The following BRD7 variants were observed in gnomAD, a reference collection of about 807,000 sequenced individuals.
BRD7 encodes the protein bromodomain-containing protein 7.
A neutral mutation model predicts 82.1 loss-of-function variants in BRD7; 15 were observed. That is an observed-to-expected ratio of 0.18 (90% CI 0.12 to 0.28). The LOEUF (loss-of-function observed/expected upper bound fraction) is 0.28. Among genes scored for constraint, BRD7 ranks in the 10% least tolerant of loss-of-function variants. The pLI, the probability that BRD7 is intolerant of heterozygous loss-of-function variation, is 1.00. For synonymous variants in BRD7, 232 were observed against 266.9 expected (o/e 0.87, Z 1.27); for missense variants, 638 against 779.9 (o/e 0.82, Z 2.17).
chr16:50,350,632 ATATAACTTC>A (rs2038479211), intron 4 of BRD7, among the ~76,000 whole-genome samples: 1 of 152,220 alleles, frequency 6.6e-6, no homozygotes, highest in Non-Finnish European at 1.5e-5. Context: ...CCATAAATGG[ATATAACTTC>A]TATCACGTGT....
intron 3 of BRD7, 69 bp from the exon 4 acceptor site, chr16:50,354,551 C>A (rs1446229139): frequency 1.5e-6 from 2 of 1,316,662 alleles, no homozygotes; most frequent in African/African-American, 3.0e-5. Flanking sequence ...TTTACTAGAT[C>A]ATTTTCTACA....
chr16:50,343,803 G>C (rs944683206), intron 5 of BRD7, among the ~76,000 whole-genome samples: 30 of 152,218 alleles, frequency 2.0e-4, no homozygotes. Context: ...AAGCCACCGG[G>C]AAGCTCGAAC....
intron 5 of BRD7, among the ~76,000 whole-genome samples, chr16:50,342,586 A>G (rs113128485): frequency 0.067 from 9,975 of 148,006 alleles, 430 homozygotes; most frequent in Non-Finnish European, 0.096. Context: ...ACACTCAGCC[A>G]ATTTTTTTGT....
At chr16:50,331,463 A>G (rs2037562811) in intron 8 of BRD7, among the ~76,000 whole-genome samples, 3 of 152,230 alleles carry the variant, frequency 2.0e-5, no homozygotes, top group South Asian at 2.1e-4. Context: ...GCACTTTGGG[A>G]GGCTGAGTTG....
chr16:50,339,946 CT>C (rs1254447329), intron 6 of BRD7, 29 bp downstream of exon 6: 1 of 1,342,618 alleles, frequency 7.4e-7, no homozygotes, highest in Non-Finnish European at 1.0e-6. Context: ...ATTTTAATAA[CT>C]ATTATTTATG....
chr16:50,365,387 A>G (rs2039103035), intron 2 of BRD7, among the ~76,000 whole-genome samples: 1 of 152,236 alleles, frequency 6.6e-6, no homozygotes, highest in Non-Finnish European at 1.5e-5. Context: ...TAGTCACTCT[A>G]CAATAAAGTC....
intron 2 of BRD7, among the ~76,000 whole-genome samples, chr16:50,365,008 C>T (rs758857786): frequency 2.6e-5 from 4 of 152,024 alleles, no homozygotes; most frequent in African/African-American, 4.8e-5. Flanking sequence ...ACTTGGGAGA[C>T]GGAAGGCAAA....
At chr16:50,345,566 G>T (rs1195721191) in intron 5 of BRD7, among the ~76,000 whole-genome samples, 1 of 152,100 alleles carries the variant, frequency 6.6e-6, no homozygotes, top group Non-Finnish European at 1.5e-5. Context: ...ATAAAGGGAT[G>T]GAGGAAGATC....
chr16:50,363,399 G>C (rs1467471532), intron 2 of BRD7, among the ~76,000 whole-genome samples: 1 of 152,222 alleles, frequency 6.6e-6, no homozygotes, highest in Non-Finnish European at 1.5e-5. Context: ...CTCAGCATCA[G>C]AATGTTTAAG....
chr16:50,322,940 T>C (rs2037181050), intron 12 of BRD7, among the ~76,000 whole-genome samples: 2 of 152,156 alleles, frequency 1.3e-5, no homozygotes, highest in African/African-American at 2.4e-5. Flanking sequence ...ATATGTGCAG[T>C]TGTGAGCAGG....
chr16:50,366,060 C>T (rs751916629), intron 2 of BRD7, among the ~76,000 whole-genome samples: 6 of 152,176 alleles, frequency 3.9e-5, no homozygotes, highest in Non-Finnish European at 4.4e-5. Context: ...ACAGACTTCT[C>T]AACAGCAAAT....
At chr16:50,328,963 A>G (rs1597035615) in intron 8 of BRD7, among the ~76,000 whole-genome samples, 2 of 152,214 alleles carry the variant, frequency 1.3e-5, no homozygotes, top group East Asian at 1.9e-4. Flanking sequence ...ATAATTTTAT[A>G]CAATAAATAA....
rs142245122 is a variant in BRD7, at chr16:50,354,797, T to C, written c.384A>G (p.Gln128=). ...EKPLTSSLAK[Q]EEVEQTPLQE... ...TTAATTCAGAGTTATTCCAACCTTC[T>C]TGTTTGGCTAAAGAGCTTGTGAGAG... The change falls in exon 3 of 17, where the codon CAA becomes CAG. Residue 128 remains glutamine (Q), a synonymous_variant. Transcript: ENST00000394688. 1.1e-4 allele frequency: 182 copies of C among 1,611,090 alleles called. No homozygotes were observed. The African/African-American group carries it at 2.0e-3, about 18-fold the overall frequency.
intron 6 of BRD7, among the ~76,000 whole-genome samples, chr16:50,338,612 C>T (rs1204294480): frequency 6.6e-6 from 1 of 152,202 alleles, no homozygotes; most frequent in African/African-American, 2.4e-5. Flanking sequence ...GTGTCTTATA[C>T]CCACTCATTT....
chr16:50,355,410 G>C (rs2038693162), intron 2 of BRD7, among the ~76,000 whole-genome samples: 1 of 152,190 alleles, frequency 6.6e-6, no homozygotes, highest in South Asian at 2.1e-4. Context: ...GAACGATTAA[G>C]AACACAATAG....
Position 50,318,231 on chromosome 16 carries a change from A to C in BRD7, c.*980T>G, listed in dbSNP as rs1409980249. 1 of 152,220 alleles carries C rather than the reference A, an allele frequency of 6.6e-6. No homozygotes were observed. Among genetic ancestry groups the C allele is most frequent in the Non-Finnish European group, 1.5e-5 (1 of 68,042 alleles). 9.4% of individuals were successfully genotyped at this position (152,220 alleles called of 1,614,324 possible). A position where few individuals can be genotyped will look rare whatever the true frequency, so the allele number is the denominator to read the frequency against. Reference sequence around the variant, plus strand: ...GAAAATTTGACTCTTTTAGCATAAGATTTTAAGTCTTTTGAGGGAATTAAT... The same window carrying C: ...GAAAATTTGACTCTTTTAGCATAAGCTTTTAAGTCTTTTGAGGGAATTAAT... On this transcript the variant is annotated 3_prime_UTR_variant, in exon 17 of 17. Coordinates refer to ENST00000394688, the MANE Select transcript of BRD7 (RefSeq NM_013263.5).
chr16:50,357,688 C>T (rs116961327), intron 2 of BRD7, among the ~76,000 whole-genome samples: 3,452 of 152,214 alleles, frequency 0.023, 67 homozygotes, highest in Non-Finnish European at 0.036. Context: ...TTTTGGTCAA[C>T]GACCAAACTG....
chr16:50,351,042 T>C (rs180874783), intron 4 of BRD7, among the ~76,000 whole-genome samples: 51 of 152,348 alleles, frequency 3.3e-4, no homozygotes, highest in Non-Finnish European at 6.2e-4. Context: ...TAATTTTTTT[T>C]CCCTCTGGAA....
At chr16:50,354,987 C>T in intron 2 of BRD7, 65 bp from the exon 3 acceptor site, 1 of 1,544,238 alleles carries the variant, frequency 6.5e-7, no homozygotes, top group Non-Finnish European at 8.8e-7. Context: ...ATACATAAAT[C>T]ATTTTAAGGG....
Sources: gnomAD v4.1 joint callset for allele counts (sites outside exome capture counted in the v4.1 genomes callset) on GRCh38, gnomAD v4.1.1 for gene constraint, MANE v1.5 for transcripts, NCBI Gene and HGNC (gene_info 2026-07-23, HGNC 2026-07-21) for gene names.